The following DLGAP1 variants were observed in gnomAD, a reference collection of about 807,000 sequenced individuals.
DLGAP1 encodes DLG associated protein 1.
DLGAP1 carries 11 observed loss-of-function variants against 90.8 expected under a neutral mutation model. The observed-to-expected ratio is 0.12, with a 90% CI of 0.08 to 0.20. DLGAP1 has a LOEUF of 0.20. Among genes scored for constraint, DLGAP1 ranks in the 10% least tolerant of loss-of-function variants. The pLI, the probability that DLGAP1 is intolerant of heterozygous loss-of-function variation, is 1.00. For missense variants in DLGAP1, 1,050 were observed against 1,333.8 expected, an observed-to-expected ratio of 0.79 and a Z score of 3.31; for synonymous variants, 558 against 540.7, an observed-to-expected ratio of 1.03 and a Z score of -0.44.
At position 4,161,814 on chromosome 18, in the gene DLGAP1, G is replaced by A. The variant is rs1017114465; in HGVS notation, c.-266-10527C>T. 5.9e-5 allele frequency among the ~76,000 whole-genome samples: 9 copies of A among 152,130 alleles called. 1 individual carries two copies. The highest frequency in any genetic ancestry group is 5.9e-4 in the Admixed American group (9 of 15,270). ...AAGCAGAGAATTACGTACCTTTAAA[G>A]GTTGATGGAAGTTTATCATGCCTCA... On this transcript the variant is annotated intron_variant, in intron 1 of 12. Coordinates refer to ENST00000315677, the MANE Select transcript of DLGAP1 (RefSeq NM_004746.4).
At chr18:4,418,325 A>G (rs1222131618) in intron 1 of DLGAP1, among the ~76,000 whole-genome samples, 1 of 152,196 alleles carries the variant, frequency 6.6e-6, no homozygotes, top group African/African-American at 2.4e-5. Context: ...AAAAGTAAAA[A>G]ACAGAAACCA....
rs1214792999 is a variant in DLGAP1, at chr18:4,408,203, CA to C, written c.-267+46802del. Among the ~76,000 whole-genome samples the C allele has an allele frequency of 3.3e-5, 5 of 151,948 alleles. No individual in the cohort carries two copies. In the East Asian group the frequency reaches 9.6e-4, roughly 29 times the overall value. On this transcript the variant is annotated intron_variant, in intron 1 of 12. Transcript: ENST00000315677. Reference sequence around the variant, plus strand: ...AAGTTATTCTTGATCAGAGTCTTCCCAAAAGGGTCGATATTTATCAGGTGCA... The same window carrying C: ...AAGTTATTCTTGATCAGAGTCTTCCCAAAGGGTCGATATTTATCAGGTGCA...
chr18:3,620,837 C>T (rs957203664), intron 7 of DLGAP1, among the ~76,000 whole-genome samples: 22 of 152,150 alleles, frequency 1.4e-4, no homozygotes, highest in Admixed American at 6.5e-5. Flanking sequence ...GGATTACAGG[C>T]CAGAGCCACC....
chr18:4,315,121 T>C (rs768310400), intron 1 of DLGAP1, among the ~76,000 whole-genome samples: 7 of 152,206 alleles, frequency 4.6e-5, no homozygotes, highest in Non-Finnish European at 8.8e-5. Context: ...GGCCTCCCAG[T>C]TCTGTCCCTC....
In DLGAP1 at chr18:4,223,844, C is replaced by A. The variant is rs186340611; in HGVS notation, c.-266-72557G>T. Reference sequence around the variant, plus strand: ...AGTAGTCCAAAGAGCATCCTTATGGCACATATCATTGCCATAGGAAGGTGA... The same window carrying A: ...AGTAGTCCAAAGAGCATCCTTATGGAACATATCATTGCCATAGGAAGGTGA... On this transcript the variant is annotated intron_variant, in intron 1 of 12. Coordinates refer to ENST00000315677, the MANE Select transcript of DLGAP1 (RefSeq NM_004746.4). 1.1e-3 allele frequency among the ~76,000 whole-genome samples: 162 copies of A among 152,314 alleles called. 1 individual carries two copies. The highest frequency in any genetic ancestry group is 1.9e-3 in the Non-Finnish European group (126 of 68,034).
chr18:3,548,330 T>A (rs1030075897), intron 9 of DLGAP1, among the ~76,000 whole-genome samples: 14 of 151,974 alleles, frequency 9.2e-5, no homozygotes, highest in African/African-American at 2.7e-4. Context: ...AAATGAAAAA[T>A]TTTTTAACAT....
At position 3,851,674 on chromosome 18, in the gene DLGAP1, T is replaced by TA. The variant is rs1568238331; in HGVS notation, c.957+27437dup. On this transcript the variant is annotated intron_variant, in intron 4 of 12. Transcript: ENST00000315677. The stretch of plus-strand genomic sequence containing the variant: ...TGAACCTAAAATAAAAGTTTAAAAG[T>TA]AAAAAAATAAAAGAAACATGAAGAA... Among the ~76,000 whole-genome samples, 4 of 151,786 alleles carry TA rather than the reference T, an allele frequency of 2.6e-5. No homozygotes were observed. In the South Asian group the frequency reaches 8.3e-4, roughly 32 times the overall value.
intron 2 of DLGAP1, among the ~76,000 whole-genome samples, chr18:4,145,412 T>C (rs190447451): frequency 1.0e-3 from 156 of 152,302 alleles, no homozygotes; most frequent in African/African-American, 3.5e-3. Context: ...TTATAGAATA[T>C]TAAAATAGAA....
rs185757211 is a variant in DLGAP1, at chr18:4,063,183, C to T, written c.-158-57982G>A. On this transcript the variant is annotated intron_variant, in intron 2 of 12. Coordinates refer to ENST00000315677, the MANE Select transcript of DLGAP1 (RefSeq NM_004746.4). ...AGAGTAGAACTTCTCTAATGAGAGGCGATAAATGGCTAGCATATATAATAC... is the reference window on the plus strand; with the variant it reads ...AGAGTAGAACTTCTCTAATGAGAGGTGATAAATGGCTAGCATATATAATAC... Among the ~76,000 whole-genome samples, 336 of 152,026 alleles carry T rather than the reference C, an allele frequency of 2.2e-3. 3 individuals are homozygous for T. Among genetic ancestry groups the T allele is most frequent in the African/African-American group, 7.9e-3 (326 of 41,480 alleles).
intron 1 of DLGAP1, among the ~76,000 whole-genome samples, chr18:4,412,778 G>A (rs1303373138): frequency 6.6e-6 from 1 of 152,160 alleles, no homozygotes; most frequent in Non-Finnish European, 1.5e-5. Flanking sequence ...ACAGAGAAGT[G>A]AACACGATAG....
chr18:3,611,109 G>A (rs184423342), intron 7 of DLGAP1, among the ~76,000 whole-genome samples: 111 of 151,686 alleles, frequency 7.3e-4, no homozygotes, highest in African/African-American at 2.6e-3. Flanking sequence ...TCTACCCTGG[G>A]CGATAGAGCA....
At position 3,539,354 on chromosome 18, in the gene DLGAP1, T is replaced by C. The variant is rs116616546; in HGVS notation, c.2058-4739A>G. On this transcript the variant is annotated intron_variant, in intron 9 of 12. Coordinates refer to ENST00000315677, the MANE Select transcript of DLGAP1 (RefSeq NM_004746.4). The stretch of plus-strand genomic sequence containing the variant: ...AACCCACAGTTTTCAATCTTGAAGC[T>C]TCCTTGGCTCTTCATGCCCCTGCAG... 3.6e-3 allele frequency among the ~76,000 whole-genome samples: 548 copies of C among 152,338 alleles called. 4 individuals carry two copies. The highest frequency in any genetic ancestry group is 0.013 in the African/African-American group (522 of 41,576).
At chr18:3,597,384 G>C (rs928913373) in intron 7 of DLGAP1, 2 of 381,798 alleles carry the variant, frequency 5.2e-6, no homozygotes, top group African/African-American at 2.1e-5. Context: ...CCCTGACTCT[G>C]AGACTGTGGG....
At chr18:3,771,838 GAAA>G (rs36074021) in intron 5 of DLGAP1, among the ~76,000 whole-genome samples, 4,212 of 138,214 alleles carry the variant, frequency 0.03, 217 homozygotes, top group African/African-American at 0.1. Flanking sequence ...CCCTAGCTCT[GAAA>G]AAAAAAAAAA....
chr18:4,394,207 A>G (rs775008657), intron 1 of DLGAP1, among the ~76,000 whole-genome samples: 1 of 152,240 alleles, frequency 6.6e-6, no homozygotes. Flanking sequence ...GATGACTATG[A>G]GTTCCATGAG....
chr18:4,197,199 A>AAAAAAAAAAAG (rs1555760529), intron 1 of DLGAP1, among the ~76,000 whole-genome samples: 54 of 144,366 alleles, frequency 3.7e-4, no homozygotes, highest in East Asian at 2.6e-3. Flanking sequence ...AAAAAAAAAA[A>AAAAAAAAAAAG]AAAAAAAAAG....
In DLGAP1 at chr18:4,383,366, A is replaced by G. The variant is rs769526880; in HGVS notation, c.-267+71640T>C. On this transcript the variant is annotated intron_variant, in intron 1 of 12. Coordinates refer to ENST00000315677, the MANE Select transcript of DLGAP1 (RefSeq NM_004746.4). This position sits in a 1 kb window ranked among gnomAD's most constrained non-coding sequence, Gnocchi z 4.0. ...TATTTAGTACATTAATGGGATTTTC[A>G]TGGTTTTCATTAGCATTCATTTTCC... Among the ~76,000 whole-genome samples, 9 of 152,150 alleles carry G rather than the reference A, an allele frequency of 5.9e-5. No homozygotes were observed. Among genetic ancestry groups the G allele is most frequent in the Non-Finnish European group, 1.0e-4 (7 of 67,998 alleles).
intron 1 of DLGAP1, among the ~76,000 whole-genome samples, chr18:4,195,510 A>G (rs1292161102): frequency 6.6e-6 from 1 of 152,176 alleles, no homozygotes; most frequent in African/African-American, 2.4e-5. Context: ...TTGCCATTCA[A>G]CTATCGGGTG....
chr18:4,364,913 AC>A (rs1355678412), intron 1 of DLGAP1, among the ~76,000 whole-genome samples: 1 of 152,128 alleles, frequency 6.6e-6, no homozygotes, highest in Non-Finnish European at 1.5e-5. Context: ...TTCATTATTT[AC>A]CCAAAAGTCA....
Sources: allele counts gnomAD v4.1 joint callset (sites outside exome capture counted in the v4.1 genomes callset), GRCh38; gene constraint gnomAD v4.1.1; non-coding constraint Gnocchi (gnomAD v3.1); transcripts MANE v1.5; gene names NCBI Gene and HGNC (gene_info 2026-07-23, HGNC 2026-07-21).